The following STK38L variants were observed in gnomAD, a reference collection of about 807,000 sequenced individuals.
STK38L encodes serine/threonine-protein kinase 38-like.
A neutral mutation model predicts 59.7 loss-of-function variants in STK38L; 28 were observed. The ratio of observed to expected loss-of-function variants is 0.47; its 90% confidence interval spans 0.35 to 0.64. The LOEUF (loss-of-function observed/expected upper bound fraction) is 0.64. STK38L is among the 30% of genes least tolerant of loss of function. STK38L has a pLI of 0.01. For missense variants in STK38L, 314 were observed against 555.8 expected, an observed-to-expected ratio of 0.56 and a Z score of 4.37; for synonymous variants, 162 against 176.8, an observed-to-expected ratio of 0.92 and a Z score of 0.66.
chr12:27,255,385 T>A (rs1043501938), intron 1 of STK38L, among the ~76,000 whole-genome samples: 2 of 152,226 alleles, frequency 1.3e-5, no homozygotes, highest in Admixed American at 6.5e-5. Flanking sequence ...ATTTATTTTT[T>A]AGAACTTACA....
chr12:27,294,135 T>C (rs1943956066), intron 1 of STK38L, among the ~76,000 whole-genome samples: 1 of 152,202 alleles, frequency 6.6e-6, no homozygotes, highest in Admixed American at 6.5e-5. Context: ...AACTGCAATT[T>C]TATATGCCTA....
At position 27,261,234 on chromosome 12, in the gene STK38L, C is replaced by T. The variant is rs976861370; in HGVS notation, c.-12+16902C>T. 3.9e-5 allele frequency among the ~76,000 whole-genome samples: 6 copies of T among 152,282 alleles called. No homozygotes were observed. In the East Asian group the frequency reaches 5.8e-4, roughly 15 times the overall value. On this transcript the variant is annotated intron_variant, in intron 1 of 13. Transcript: ENST00000389032. ...GATTTTATCTGTGGGAGAATTCTAG[C>T]GGCTATCCCAAAAGTTGAAGTCCCC...
intron 1 of STK38L, among the ~76,000 whole-genome samples, chr12:27,284,917 C>CT (rs1199278540): frequency 6.6e-6 from 1 of 152,154 alleles, no homozygotes; most frequent in African/African-American, 2.4e-5. Flanking sequence ...GTCAAGTGGT[C>CT]TGTGTGTTTA....
intron 1 of STK38L, among the ~76,000 whole-genome samples, chr12:27,260,922 G>A (rs1392036408): frequency 6.6e-6 from 1 of 152,186 alleles, no homozygotes; most frequent in Non-Finnish European, 1.5e-5. Context: ...GACTTCTGTT[G>A]TTGAGAGCTT....
Position 27,308,349 on chromosome 12 carries a change from G to A in STK38L, c.197G>A (p.Arg66His), listed in dbSNP as rs1944366128. 1.3e-6 allele frequency: 2 copies of A among 1,550,374 alleles called. No homozygotes were observed. The highest frequency in any genetic ancestry group is 1.7e-6 in the Non-Finnish European group (2 of 1,150,026). Residue 66 changes from arginine (R) to histidine (H), a missense_variant, in exon 4 of 14, where the codon CGT (arginine) becomes CAT (histidine). Transcript: ENST00000389032. This position sits in a 1 kb window ranked among gnomAD's most constrained non-coding sequence, Gnocchi z 4.5. ...EGLADEEKKL[R>H]RSQHARKETE... Reference sequence around the variant, plus strand: ...GTTTTTTTTTAATAGAAAAAGTTACGTCGATCACAACACGCTCGCAAAGAA... The same window carrying A: ...GTTTTTTTTTAATAGAAAAAGTTACATCGATCACAACACGCTCGCAAAGAA...
At position 27,308,199 on chromosome 12, in the gene STK38L, C is replaced by T; in HGVS notation, c.187-140C>T. ...GTTGTTAAAAATTTTAGAAAGTTTTCTTTAAATTGTTTTAGCCTAATAGTA... is the reference window on the plus strand; with the variant it reads ...GTTGTTAAAAATTTTAGAAAGTTTTTTTTAAATTGTTTTAGCCTAATAGTA... On this transcript the variant is annotated intron_variant, in intron 3 of 13. Coordinates refer to ENST00000389032, the MANE Select transcript of STK38L (RefSeq NM_015000.4). This position sits in a 1 kb window ranked among gnomAD's most constrained non-coding sequence, Gnocchi z 4.5. The T allele has an allele frequency of 1.4e-6, 1 of 732,736 alleles. No homozygotes were observed. The highest frequency in any genetic ancestry group is 1.8e-6 in the Non-Finnish European group (1 of 553,082). The allele number at this position is 732,736 out of a possible 1,614,324, so 45.4% of individuals were successfully genotyped here. A position where few individuals can be genotyped will look rare whatever the true frequency, so the allele number is the denominator to read the frequency against.
At chr12:27,253,427 C>T (rs1943019223) in intron 1 of STK38L, among the ~76,000 whole-genome samples, 1 of 63,154 alleles carries the variant, frequency 1.6e-5, no homozygotes, top group Non-Finnish European at 2.9e-5. Context: ...GAAGGAGAGA[C>T]TTGCATGGAT....
chr12:27,282,954 T>C (rs10771333), intron 1 of STK38L, among the ~76,000 whole-genome samples: 129,986 of 152,162 alleles, frequency 0.85, 55,724 homozygotes, highest in Non-Finnish European at 0.89. Flanking sequence ...CTTAATCCAG[T>C]TAAGTCTCAC....
At chr12:27,256,158 A>G (rs1199487990) in intron 1 of STK38L, among the ~76,000 whole-genome samples, 4 of 152,178 alleles carry the variant, frequency 2.6e-5, no homozygotes, top group African/African-American at 9.7e-5. Flanking sequence ...TGAACTAGCC[A>G]TCTTTCCCTG....
chr12:27,262,780 G>T (rs1001366720), intron 1 of STK38L, among the ~76,000 whole-genome samples: 1 of 145,290 alleles, frequency 6.9e-6, no homozygotes, highest in African/African-American at 2.5e-5. Flanking sequence ...CAAAATATTT[G>T]TTATATGTAG....
chr12:27,313,765 T>C (rs991717585), intron 6 of STK38L, among the ~76,000 whole-genome samples: 1 of 152,176 alleles, frequency 6.6e-6, no homozygotes, highest in African/African-American at 2.4e-5. Context: ...CACCAGTGTT[T>C]ACAACAGTTA....
chr12:27,325,072 TAAA>T lies in STK38L; in HGVS notation c.*2620_*2622del, dbSNP rs1591955485. The T allele has an allele frequency of 6.6e-6, 1 of 152,270 alleles. No individual in the cohort carries two copies. The highest frequency in any genetic ancestry group is 1.9e-4 in the East Asian group (1 of 5,190). 9.4% of individuals were successfully genotyped at this position (152,270 alleles called of 1,614,324 possible). On this transcript the variant is annotated 3_prime_UTR_variant, in exon 14 of 14. Transcript: ENST00000389032. ...TTAATGTAGACTTTGACTTTTTTAT[TAAA>T]AACCTTTGTATTAAAGCAAGTTATG...
intron 2 of STK38L, 102 bp from the exon 3 acceptor site, chr12:27,302,035 C>A: frequency 2.5e-6 from 2 of 801,088 alleles, no homozygotes; most frequent in South Asian, 2.7e-5. Flanking sequence ...TTTTTTTAGC[C>A]TAGCAAGCTG....
intron 1 of STK38L, among the ~76,000 whole-genome samples, chr12:27,270,074 A>G (rs769860458): frequency 7.2e-5 from 11 of 152,094 alleles, no homozygotes; most frequent in Admixed American, 1.3e-4. Flanking sequence ...TTGTAGATGC[A>G]TTTGTCTCTC....
intron 1 of STK38L, among the ~76,000 whole-genome samples, chr12:27,286,721 C>G (rs1173046768): frequency 6.6e-6 from 1 of 152,116 alleles, no homozygotes; most frequent in African/African-American, 2.4e-5. Context: ...TAAAAAATAT[C>G]TCTATGGTTC....
chr12:27,254,275 C>G (rs1943038946), intron 1 of STK38L, among the ~76,000 whole-genome samples: 1 of 152,150 alleles, frequency 6.6e-6, no homozygotes, highest in South Asian at 2.1e-4. Flanking sequence ...TAATGAAGTC[C>G]TTTTATTCTA....
chr12:27,308,607 C>G lies in STK38L; in HGVS notation c.309+146C>G. ...TGGGAGGCCGAGGCGGGTGGATCGCCTGAGGTCAGGAGTTCGAGACCAGCC... is the reference window on the plus strand; with the variant it reads ...TGGGAGGCCGAGGCGGGTGGATCGCGTGAGGTCAGGAGTTCGAGACCAGCC... On this transcript the variant is annotated intron_variant, in intron 4 of 13. Transcript: ENST00000389032. The surrounding 1 kb of genome is among the most constrained non-coding windows in gnomAD (Gnocchi z 4.5). 1.2e-6 allele frequency: 1 copy of G among 851,902 alleles called. No homozygotes were observed. The highest frequency in any genetic ancestry group is 1.5e-6 in the Non-Finnish European group (1 of 659,422). The allele number at this position is 851,902 out of a possible 1,614,324, so 52.8% of individuals were successfully genotyped here.
chr12:27,297,393 G>C (rs1191260865), intron 1 of STK38L, among the ~76,000 whole-genome samples: 1 of 152,140 alleles, frequency 6.6e-6, no homozygotes, highest in Non-Finnish European at 1.5e-5. Flanking sequence ...CAAAATAGCT[G>C]GAACTTTTCT....
chr12:27,300,183 GAAC>G (rs1944130953), intron 2 of STK38L, among the ~76,000 whole-genome samples: 1 of 152,010 alleles, frequency 6.6e-6, no homozygotes, highest in Non-Finnish European at 1.5e-5. Flanking sequence ...ATGTCAAGTC[GAAC>G]AATCTGCTCA....
Sources: gnomAD v4.1 joint callset for allele counts (sites outside exome capture counted in the v4.1 genomes callset) on GRCh38, gnomAD v4.1.1 for gene constraint, Gnocchi (gnomAD v3.1) non-coding constraint, MANE v1.5 for transcripts, NCBI Gene and HGNC (gene_info 2026-07-23, HGNC 2026-07-21) for gene names.